RARRES1: variants seen among roughly 807,000 people sequenced by gnomAD.
The protein encoded by RARRES1 is retinoic acid receptor responder 1.
A neutral mutation model predicts 30.6 loss-of-function variants in RARRES1; 34 were observed. The observed-to-expected ratio is 1.11, with a 90% CI of 0.84 to 1.48. The LOEUF is 1.48. Ranked by LOEUF, RARRES1 falls within the 40% of genes most tolerant of loss-of-function variation. The probability of loss-of-function intolerance (pLI) is 0.00; values close to 1 mark genes in which losing one functional copy is unlikely to be tolerated. For synonymous variants in RARRES1, 153 were observed against 155.5 expected (o/e 0.98, Z 0.12); for missense variants, 373 against 386.5 (o/e 0.97, Z 0.29).
chr3:158,732,439 AC>A lies in RARRES1; in HGVS notation c.-25del, dbSNP rs1400095882. The A allele has an allele frequency of 1.3e-6, 2 of 1,517,310 alleles. No homozygotes were observed. Among genetic ancestry groups the A allele is most frequent in the Non-Finnish European group, 1.8e-6 (2 of 1,137,694 alleles). The allele number at this position is 1,517,310 out of a possible 1,614,324, so 94.0% of individuals were successfully genotyped here. A position where few individuals can be genotyped will look rare whatever the true frequency, so the allele number is the denominator to read the frequency against. On this transcript the variant is annotated 5_prime_UTR_variant, in exon 1 of 6. Transcript: ENST00000237696. ...ATGGACGCAGGAAAGTTGGCTCGGC[AC>A]CCGACAGACACGGGCTCGGAGCGGG...
chr3:158,702,229 A>C (rs1024721066), intron 4 of RARRES1, among the ~76,000 whole-genome samples: 3 of 152,048 alleles, frequency 2.0e-5, no homozygotes, highest in Non-Finnish European at 4.4e-5. Flanking sequence ...TAGTAGAGAC[A>C]GGGTTTCACA....
In RARRES1 at chr3:158,732,142, A is replaced by T; in HGVS notation, c.274T>A (p.Trp92Arg). 1 of 1,372,886 alleles carries T rather than the reference A, an allele frequency of 7.3e-7. No individual in the cohort carries two copies. Among genetic ancestry groups the T allele is most frequent in the Non-Finnish European group, 9.3e-7 (1 of 1,071,062 alleles). 85.0% of individuals were successfully genotyped at this position (1,372,886 alleles called of 1,614,324 possible). A position where few individuals can be genotyped will look rare whatever the true frequency, so the allele number is the denominator to read the frequency against. The change falls in exon 1 of 6, where the codon TGG becomes AGG. Residue 92 changes from tryptophan to arginine, a missense_variant and splice_region_variant. Trp to Arg is a moderately radical substitution (Grantham distance 101). Transcript: ENST00000237696. ...CCGGCGCGTCGCTCCGCACTCACCC[A>T]CGCGCGGCCCTCCTGCACCTCGGCC... ...VLAEVQEGRA[W>R]INPKEGCKVH...
chr3:158,706,935 A>G (rs1396002294), intron 3 of RARRES1, among the ~76,000 whole-genome samples: 1 of 152,022 alleles, frequency 6.6e-6, no homozygotes, highest in Non-Finnish European at 1.5e-5. Context: ...TTGGGAGGCC[A>G]AGGGGGGTGG....
At chr3:158,724,697 G>A (rs958887819) in intron 1 of RARRES1, among the ~76,000 whole-genome samples, 4 of 152,226 alleles carry the variant, frequency 2.6e-5, no homozygotes, top group African/African-American at 9.6e-5. Flanking sequence ...ATTTGTTATA[G>A]CAGCAATAGG....
intron 3 of RARRES1, among the ~76,000 whole-genome samples, chr3:158,707,368 A>T (rs1177046203): frequency 2.0e-5 from 3 of 152,170 alleles, no homozygotes; most frequent in African/African-American, 7.2e-5. Context: ...TGATGGGTCT[A>T]TGAAGAAACT....
Position 158,713,653 on chromosome 3 carries a change from T to C in RARRES1, c.339+144A>G, listed in dbSNP as rs1163073955. ...TGAGCTCTTGCCTAGTTCTGTTCTTTAGTTCTTGATAACAAATAGGAAACA... is the reference window on the plus strand; with the variant it reads ...TGAGCTCTTGCCTAGTTCTGTTCTTCAGTTCTTGATAACAAATAGGAAACA... On this transcript the variant is annotated intron_variant, in intron 2 of 5. Transcript: ENST00000237696. The C allele has an allele frequency of 5.3e-6, 4 of 753,104 alleles. No individual in the cohort carries two copies. The African/African-American group carries it at 5.3e-5, about 10-fold the overall frequency. 46.7% of individuals were successfully genotyped at this position (753,104 alleles called of 1,614,324 possible).
chr3:158,703,288 C>T (rs1433247551), intron 4 of RARRES1, among the ~76,000 whole-genome samples: 1 of 152,146 alleles, frequency 6.6e-6, no homozygotes, highest in Admixed American at 6.5e-5. Flanking sequence ...CTGGATTAAT[C>T]ACATCCTCTC....
At chr3:158,728,536 G>GTTTTTTTTTTTTTTTTTTTTTTTTTT (rs1553746148) in intron 1 of RARRES1, among the ~76,000 whole-genome samples, 2 of 141,692 alleles carry the variant, frequency 1.4e-5, no homozygotes, top group African/African-American at 2.7e-5. Context: ...TTTTTTTTTG[G>GTTTTTTTTTTTTTTTTTTTTTTTTTT]TTTTTGAGAC....
chr3:158,715,221 T>A (rs141947851), intron 1 of RARRES1, among the ~76,000 whole-genome samples: 1 of 152,246 alleles, frequency 6.6e-6, no homozygotes, highest in African/African-American at 2.4e-5. Flanking sequence ...TGGGGAGATA[T>A]AAAGAAATAT....
intron 4 of RARRES1, among the ~76,000 whole-genome samples, chr3:158,699,061 ACT>A (rs141076686): frequency 0.16 from 24,066 of 152,054 alleles, 1,978 homozygotes; most frequent in South Asian, 0.22. Flanking sequence ...CCATGAGGGA[ACT>A]CTGTCCAAGT....
intron 1 of RARRES1, among the ~76,000 whole-genome samples, chr3:158,724,828 C>CT (rs371008452): frequency 0.02 from 2,859 of 144,522 alleles, 47 homozygotes; most frequent in Admixed American, 0.073. Flanking sequence ...GACTCCCTTT[C>CT]TTTTTTTTTT....
chr3:158,728,226 C>A (rs1312147218), intron 1 of RARRES1, among the ~76,000 whole-genome samples: 2 of 150,424 alleles, frequency 1.3e-5, no homozygotes, highest in Non-Finnish European at 3.0e-5. Flanking sequence ...AAAAAAAAAC[C>A]GGATCCCACA....
chr3:158,704,671 A>T, intron 4 of RARRES1, 120 bp downstream of exon 4: 2 of 1,402,098 alleles, frequency 1.4e-6, no homozygotes, highest in Non-Finnish European at 1.9e-6. Flanking sequence ...TCACATATTT[A>T]TTGAAATAAA....
At chr3:158,710,287 A>C (rs1727072883) in intron 3 of RARRES1, among the ~76,000 whole-genome samples, 1 of 150,796 alleles carries the variant, frequency 6.6e-6, no homozygotes, top group Non-Finnish European at 1.5e-5. Context: ...AGCTCACTGC[A>C]ACCTCCGCCT....
intron 2 of RARRES1, 52 bp downstream of exon 2, chr3:158,713,745 C>A: frequency 6.6e-7 from 1 of 1,508,080 alleles, no homozygotes; most frequent in South Asian, 1.2e-5. Context: ...TTTTACAAAG[C>A]CATATTTATA....
In RARRES1 at chr3:158,730,283, G is replaced by A. The variant is rs1401391794; in HGVS notation, c.276+1857C>T. 6.3e-5 allele frequency among the ~76,000 whole-genome samples: 9 copies of A among 142,744 alleles called. No individual in the cohort carries two copies. In the East Asian group the frequency reaches 1.9e-3, roughly 30 times the overall value. The allele number at this position is 142,744 out of a possible 152,430, so 93.6% of individuals were successfully genotyped here. A position where few individuals can be genotyped will look rare whatever the true frequency, so the allele number is the denominator to read the frequency against. ...TGCAGTAAGCCGAGATCGCAGCGCT[G>A]CACTCCAGCCTGGGCAACAGAGCAA... On this transcript the variant is annotated intron_variant, in intron 1 of 5. Coordinates refer to ENST00000237696, the MANE Select transcript of RARRES1 (RefSeq NM_206963.2).
chr3:158,706,726 G>C (rs557321596), intron 3 of RARRES1, among the ~76,000 whole-genome samples: 16 of 152,322 alleles, frequency 1.1e-4, no homozygotes, highest in African/African-American at 3.8e-4. Context: ...AGTTGATAAT[G>C]ACCAAAGTTT....
chr3:158,713,839 A>G lies in RARRES1; in HGVS notation c.297T>C (p.Cys99=). The G allele has an allele frequency of 3.7e-6, 6 of 1,614,056 alleles. No individual in the cohort carries two copies. Among genetic ancestry groups the G allele is most frequent in the Non-Finnish European group, 5.1e-6 (6 of 1,179,904 alleles). The change falls in exon 2 of 6, where the codon TGT becomes TGC. Residue 99 remains cysteine, a synonymous_variant. Coordinates refer to ENST00000237696, the MANE Select transcript of RARRES1 (RefSeq NM_206963.2). ...CTGTGCTGAAGACCACGTGAACTTT[A>G]CATCCCTCTTTTGGATTAATCTGGA... is the stretch of plus-strand genomic sequence containing the variant. The part of the protein sequence containing the change: ...GRAWINPKEG[C]KVHVVFSTER...
intron 4 of RARRES1, among the ~76,000 whole-genome samples, chr3:158,702,806 A>G (rs1231458002): frequency 1.3e-5 from 2 of 152,234 alleles, no homozygotes; most frequent in Admixed American, 6.5e-5. Context: ...TTATATGGCA[A>G]CAATCAATTA....
Sources: allele counts gnomAD v4.1 joint callset (sites outside exome capture counted in the v4.1 genomes callset), GRCh38; gene constraint gnomAD v4.1.1; transcripts MANE v1.5; gene names NCBI Gene and HGNC (gene_info 2026-07-23, HGNC 2026-07-21).